The following SOCS2 variants were observed in gnomAD, a reference collection of about 807,000 sequenced individuals.
SOCS2 encodes CIS-2.
In SOCS2, 10 loss-of-function variants were observed where a neutral mutation model predicts 18.6. The ratio of observed to expected loss-of-function variants is 0.54; its 90% CI spans 0.33 to 0.91. The LOEUF is 0.91. Ranked by LOEUF, SOCS2 falls within the 40% of genes least tolerant of loss-of-function variation. The pLI, the probability that SOCS2 is intolerant of heterozygous loss-of-function variation, is 0.02. For missense variants in SOCS2, 231 were observed against 247.2 expected, an observed-to-expected ratio of 0.93 and a Z score of 0.44; for synonymous variants, 104 against 104.0, an observed-to-expected ratio of 1.00 and a Z score of 0.00.
chr12:93,588,951 G>C, the SOCS2 span, among the ~76,000 whole-genome samples: 1 of 152,086 alleles, frequency 6.6e-6, no homozygotes, highest in South Asian at 2.1e-4. Context: ...ATAGATCAGG[G>C]ACATAAAGCA....
At chr12:93,615,341 A>C in the SOCS2 span, among the ~76,000 whole-genome samples, 1 of 152,352 alleles carries the variant, frequency 6.6e-6, no homozygotes, top group South Asian at 2.1e-4. Flanking sequence ...TAGATGCTTC[A>C]GATTCCATCC....
At chr12:93,582,318 T>G (rs543251985) in intron 1 of SOCS2, among the ~76,000 whole-genome samples, 54 of 152,222 alleles carry the variant, frequency 3.5e-4, no homozygotes, top group African/African-American at 1.3e-3. Flanking sequence ...ACCTTGGAAT[T>G]TATCCTGAGG....
chr12:93,599,659 G>T, the SOCS2 span, among the ~76,000 whole-genome samples: 4 of 152,216 alleles, frequency 2.6e-5, no homozygotes, highest in Non-Finnish European at 4.4e-5. Context: ...AGATGATTAG[G>T]TCATGAGGGC....
the SOCS2 span, among the ~76,000 whole-genome samples, chr12:93,608,075 G>A: frequency 0.016 from 2,249 of 144,984 alleles, 69 homozygotes; most frequent in African/African-American, 0.054. Flanking sequence ...ATCATAACTC[G>A]CTGCAGCCTT....
chr12:93,609,189 C>T, the SOCS2 span, among the ~76,000 whole-genome samples: 6 of 152,042 alleles, frequency 3.9e-5, no homozygotes, highest in East Asian at 1.9e-4. Flanking sequence ...TTCAGGAGTT[C>T]GGGACCTGCC....
chr12:93,614,635 T>TTTCTTTCTTTCTTTATTTCTTTC, the SOCS2 span, among the ~76,000 whole-genome samples: 1 of 111,590 alleles, frequency 9.0e-6, no homozygotes, highest in African/African-American at 4.1e-5. Context: ...TTCTTTCTTT[T>TTTCTTTCTTTCTTTATTTCTTTC]GATGGAGTCT....
At chr12:93,571,911 C>G (rs1327044674), upstream of SOCS2, 2 of 427,766 alleles carry the variant, frequency 4.7e-6, no homozygotes, top group Non-Finnish European at 9.3e-6. Context: ...CGGCCGAGGT[C>G]GAGGTAAGAG....
chr12:93,570,275 GGGA>G (rs1954198176), upstream of SOCS2: 1 of 152,368 alleles, frequency 6.6e-6, no homozygotes, highest in African/African-American at 2.4e-5. Context: ...TGGAGCAGAG[GGGA>G]GGAGGAAGGG....
chr12:93,580,432 C>A (rs573699489), downstream of SOCS2, among the ~76,000 whole-genome samples: 74 of 152,058 alleles, frequency 4.9e-4, no homozygotes, highest in African/African-American at 1.8e-3. Flanking sequence ...GCCAGCCTGG[C>A]CAACATGGCG....
chr12:93,621,140 T>C, the SOCS2 span, among the ~76,000 whole-genome samples: 548 of 152,362 alleles, frequency 3.6e-3, 1 homozygote, highest in Non-Finnish European at 6.7e-3. Context: ...GTCAAGACTA[T>C]ATAGATTCCA....
At chr12:93,611,547 G>A in the SOCS2 span, among the ~76,000 whole-genome samples, 3 of 152,156 alleles carry the variant, frequency 2.0e-5, no homozygotes, top group Non-Finnish European at 4.4e-5. Context: ...AAGAAGCAAT[G>A]TTTGCTTTGC....
the SOCS2 span, among the ~76,000 whole-genome samples, chr12:93,596,452 G>C: frequency 5.3e-5 from 8 of 152,106 alleles, no homozygotes; most frequent in Admixed American, 5.2e-4. Flanking sequence ...TTACTAACTG[G>C]GAAGTCATGG....
the SOCS2 span, among the ~76,000 whole-genome samples, chr12:93,589,981 T>G: frequency 9.9e-5 from 15 of 152,228 alleles, no homozygotes; most frequent in African/African-American, 3.6e-4. Flanking sequence ...AGGCCGGGTG[T>G]GGTGGCTCAC....
At chr12:93,618,751 T>A in the SOCS2 span, among the ~76,000 whole-genome samples, 3 of 152,186 alleles carry the variant, frequency 2.0e-5, no homozygotes, top group African/African-American at 7.2e-5. Context: ...TACTTTATTT[T>A]CTTCACTGTA....
intron 1 of SOCS2, chr12:93,573,452 C>T (rs1352414891): frequency 5.4e-6 from 2 of 367,388 alleles, no homozygotes; most frequent in Non-Finnish European, 9.7e-6. Context: ...GGAGCTGCGG[C>T]TGCAGCCCAG....
the SOCS2 span, among the ~76,000 whole-genome samples, chr12:93,624,568 T>TA: frequency 2.3e-3 from 337 of 143,936 alleles, 4 homozygotes; most frequent in African/African-American, 6.7e-3. Flanking sequence ...AGACTCCATC[T>TA]AAAAAAAAAA....
chr12:93,584,289 G>T (rs530267438), downstream of SOCS2, among the ~76,000 whole-genome samples: 4 of 152,154 alleles, frequency 2.6e-5, no homozygotes, highest in Admixed American at 6.5e-5. Flanking sequence ...CCTCTCTCCC[G>T]ATTTCTCAGA....
At position 93,575,319 on chromosome 12, in the gene SOCS2, A is replaced by T. The variant is rs1248397435; in HGVS notation, c.*140A>T. The T allele has an allele frequency of 1.7e-6, 1 of 581,862 alleles. No homozygotes were observed. Among genetic ancestry groups the T allele is most frequent in the Non-Finnish European group, 2.9e-6 (1 of 349,682 alleles). The allele number at this position is 581,862 out of a possible 1,614,324, so 36.0% of individuals were successfully genotyped here. A position where few individuals can be genotyped will look rare whatever the true frequency, so the allele number is the denominator to read the frequency against. On this transcript the variant is annotated 3_prime_UTR_variant, in exon 2 of 2. Coordinates refer to ENST00000551556, the MANE Select transcript of SOCS2 (RefSeq NM_001270471.2). The stretch of plus-strand genomic sequence containing the variant: ...GCTGAAGCTAATCTAATTTAAATTT[A>T]ACAGCTTGAAGAGGTAGCTAGGTGT...
chr12:93,592,859 C>T, the SOCS2 span, among the ~76,000 whole-genome samples: 3 of 150,276 alleles, frequency 2.0e-5, no homozygotes, highest in Non-Finnish European at 4.4e-5. Context: ...GGCTCTATGC[C>T]TTGACTGTGG....
Sources: allele counts gnomAD v4.1 joint callset (sites outside exome capture counted in the v4.1 genomes callset), GRCh38; gene constraint gnomAD v4.1.1; transcripts MANE v1.5; gene names NCBI Gene and HGNC (gene_info 2026-07-23, HGNC 2026-07-21).